Variants in MARK3 observed in about 807,000 individuals in gnomAD.
MARK3 encodes MAP/microtubule affinity-regulating kinase 3.
A neutral mutation model predicts 90.1 loss-of-function variants in MARK3; 46 were observed. The ratio of observed to expected loss-of-function variants is 0.51; its 90% CI spans 0.40 to 0.65. The LOEUF is 0.65. Among genes scored for constraint, MARK3 ranks in the 30% least tolerant of loss-of-function variants. The pLI is 0.00. For missense variants in MARK3, 818 were observed against 947.2 expected, an observed-to-expected ratio of 0.86 and a Z score of 1.79; for synonymous variants, 321 against 332.6, an observed-to-expected ratio of 0.97 and a Z score of 0.38.
chr14:103,391,709 ATTTTTTTTT>A (rs71126012), intron 1 of MARK3, among the ~76,000 whole-genome samples: 20 of 69,692 alleles, frequency 2.9e-4, no homozygotes, highest in Non-Finnish European at 4.1e-4. Context: ...ATGCCTGGCT[ATTTTTTTTT>A]TTTTTTTTTT....
intron 14 of MARK3, chr14:103,491,521 T>G (rs1220446620): frequency 7.2e-6 from 3 of 415,458 alleles, no homozygotes; most frequent in African/African-American, 4.1e-5. Flanking sequence ...TGTCCTAGAA[T>G]TTCCCTGCAT....
At chr14:103,462,769 C>T (rs1260764026) in intron 7 of MARK3, among the ~76,000 whole-genome samples, 3 of 152,122 alleles carry the variant, frequency 2.0e-5, no homozygotes, top group South Asian at 2.1e-4. Context: ...CAGTGCCACC[C>T]GGCATTCATT....
chr14:103,388,234 T>C (rs1340497799), intron 1 of MARK3, among the ~76,000 whole-genome samples: 1 of 152,198 alleles, frequency 6.6e-6, no homozygotes, highest in Non-Finnish European at 1.5e-5. Context: ...CCCAGCCATG[T>C]AGTGTATTTA....
At chr14:103,467,826 A>G (rs941678906) in intron 11 of MARK3, 1 of 434,836 alleles carries the variant, frequency 2.3e-6, no homozygotes, top group Non-Finnish European at 4.1e-6. Flanking sequence ...TGGAAAGAAA[A>G]TCATAAATAC....
chr14:103,398,312 T>C (rs1179243501), intron 1 of MARK3, among the ~76,000 whole-genome samples: 1 of 152,240 alleles, frequency 6.6e-6, no homozygotes, highest in East Asian at 1.9e-4. Context: ...ACAGTTTTTG[T>C]ATTCCCGTTT....
intron 3 of MARK3, among the ~76,000 whole-genome samples, chr14:103,444,224 CT>C (rs2092935701): frequency 6.7e-6 from 1 of 149,768 alleles, no homozygotes; most frequent in Admixed American, 6.8e-5. Context: ...TGTTTCTTTA[CT>C]TCTCTGATAC....
At chr14:103,426,982 T>G (rs1218421726) in intron 2 of MARK3, among the ~76,000 whole-genome samples, 1 of 152,082 alleles carries the variant, frequency 6.6e-6, no homozygotes, top group Non-Finnish European at 1.5e-5. Flanking sequence ...AAATTTAAAG[T>G]GTCAGTAAAT....
chr14:103,477,999 T>TAA lies in MARK3; in HGVS notation c.1483-2376_1483-2375dup, dbSNP rs57130429. Among the ~76,000 whole-genome samples, 274 of 141,410 alleles carry TAA rather than the reference T, an allele frequency of 1.9e-3. 6 individuals are homozygous for TAA. The highest frequency in any genetic ancestry group is 2.7e-3 in the East Asian group (13 of 4,850). 92.8% of individuals were successfully genotyped at this position (141,410 alleles called of 152,430 possible). On this transcript the variant is annotated intron_variant, in intron 13 of 17. Transcript: ENST00000429436. ...GGGCAACAGAGCAAGACCCTGTCCT[T>TAA]AAAAAAAAAAAAAGTGGCCGGGCGC...
At position 103,448,069 on chromosome 14, in the gene MARK3, G is replaced by C. The variant is rs570094028; in HGVS notation, c.298-850G>C. Among the ~76,000 whole-genome samples, 23 of 152,270 alleles carry C rather than the reference G, an allele frequency of 1.5e-4. No homozygotes were observed. The South Asian group carries it at 4.8e-3, about 32-fold the overall frequency. Reference sequence around the variant, plus strand: ...ATTACAGGTGTGAGCCACCGTGCTCGGCTGGTTTTTCTTAAGGTCTCACCT... The same window carrying C: ...ATTACAGGTGTGAGCCACCGTGCTCCGCTGGTTTTTCTTAAGGTCTCACCT... On this transcript the variant is annotated intron_variant, in intron 3 of 17. Coordinates refer to ENST00000429436, the MANE Select transcript of MARK3 (RefSeq NM_001128918.3).
At chr14:103,394,551 T>A (rs2090461968) in intron 1 of MARK3, among the ~76,000 whole-genome samples, 1 of 152,244 alleles carries the variant, frequency 6.6e-6, no homozygotes, top group Non-Finnish European at 1.5e-5. Flanking sequence ...GTGCACTAGA[T>A]AAGACATTGT....
At chr14:103,399,017 A>G (rs1029565938) in intron 1 of MARK3, among the ~76,000 whole-genome samples, 1 of 152,192 alleles carries the variant, frequency 6.6e-6, no homozygotes, top group Non-Finnish European at 1.5e-5. Flanking sequence ...TTAAACTTGT[A>G]AACCTGATTC....
At chr14:103,390,892 G>T (rs35862113) in intron 1 of MARK3, among the ~76,000 whole-genome samples, 43,240 of 151,828 alleles carry the variant, frequency 0.28, 7,302 homozygotes, top group Non-Finnish European at 0.36. Flanking sequence ...TAATTTTTTC[G>T]TAGAGATGAG....
chr14:103,498,413 C>A (rs771028560), intron 15 of MARK3, 89 bp from the exon 16 acceptor site: 1 of 934,868 alleles, frequency 1.1e-6, no homozygotes, highest in Admixed American at 4.5e-5. Context: ...TGTTTTTTTT[C>A]TTTCTCTCTG....
chr14:103,462,322 A>G (rs1426367861), intron 6 of MARK3, 83 bp from the exon 7 acceptor site: 3 of 972,642 alleles, frequency 3.1e-6, no homozygotes, highest in East Asian at 2.4e-5. Flanking sequence ...AGTATTCATT[A>G]TGTGTGAACA....
Position 103,498,090 on chromosome 14 carries a change from G to A in MARK3, c.1845-412G>A, listed in dbSNP as rs908167228. Reference sequence around the variant, plus strand: ...AAATTAACTGGGCATGGTGGCGCGCGCCTGTGATTCCAGCTACTCAGGAGA... The same window carrying A: ...AAATTAACTGGGCATGGTGGCGCGCACCTGTGATTCCAGCTACTCAGGAGA... On this transcript the variant is annotated intron_variant, in intron 15 of 17. Coordinates refer to ENST00000429436, the MANE Select transcript of MARK3 (RefSeq NM_001128918.3). 6.3e-4 allele frequency among the ~76,000 whole-genome samples: 96 copies of A among 152,120 alleles called. 1 individual carries two copies. The highest frequency in any genetic ancestry group is 2.1e-3 in the African/African-American group (89 of 41,504).
chr14:103,408,759 G>A (rs1314122244), intron 2 of MARK3, among the ~76,000 whole-genome samples: 2 of 152,122 alleles, frequency 1.3e-5, no homozygotes, highest in Non-Finnish European at 2.9e-5. Context: ...GTGCTAACTG[G>A]AATTTTAAAA....
chr14:103,497,008 C>CT (rs2075385795), intron 15 of MARK3, among the ~76,000 whole-genome samples: 1 of 152,150 alleles, frequency 6.6e-6, no homozygotes, highest in Non-Finnish European at 1.5e-5. Flanking sequence ...CACCACTGTA[C>CT]TCCAGCCTGG....
intron 2 of MARK3, among the ~76,000 whole-genome samples, chr14:103,422,112 TTTTA>T (rs2092244689): frequency 6.6e-6 from 1 of 152,214 alleles, no homozygotes; most frequent in Non-Finnish European, 1.5e-5. Context: ...TCTATTGACA[TTTTA>T]TTTAAAGTCA....
intron 6 of MARK3, among the ~76,000 whole-genome samples, chr14:103,461,515 G>A (rs1010896943): frequency 2.0e-5 from 3 of 152,188 alleles, no homozygotes; most frequent in Non-Finnish European, 4.4e-5. Flanking sequence ...CATAGTTCAC[G>A]TACGTCGCAA....
Sources: gnomAD v4.1 joint callset for allele counts (sites outside exome capture counted in the v4.1 genomes callset) on GRCh38, gnomAD v4.1.1 for gene constraint, MANE v1.5 for transcripts, NCBI Gene and HGNC (gene_info 2026-07-23, HGNC 2026-07-21) for gene names.